Variants in XPNPEP3 observed in about 807,000 individuals in gnomAD.
The protein encoded by XPNPEP3 is xaa-Pro aminopeptidase 3.
In XPNPEP3, 41 loss-of-function variants were observed where a neutral mutation model predicts 60.0. The observed-to-expected ratio is 0.68, with a 90% CI of 0.53 to 0.89. XPNPEP3 has a LOEUF of 0.89. Ranked by LOEUF, XPNPEP3 falls within the 40% of genes least tolerant of loss-of-function variation. The pLI, the probability that XPNPEP3 is intolerant of heterozygous loss-of-function variation, is 0.00. For missense variants in XPNPEP3, 598 were observed against 638.9 expected (o/e 0.94, Z 0.69); for synonymous variants, 212 against 223.2 (o/e 0.95, Z 0.45).
chr22:40,895,081 A>G (rs1403770951), intron 4 of XPNPEP3, among the ~76,000 whole-genome samples: 1 of 152,174 alleles, frequency 6.6e-6, no homozygotes, highest in East Asian at 1.9e-4. Context: ...TACTTTTCAT[A>G]CAGAATTGCC....
chr22:40,913,702 T>C (rs909049069), intron 6 of XPNPEP3, among the ~76,000 whole-genome samples: 2 of 152,112 alleles, frequency 1.3e-5, no homozygotes, highest in African/African-American at 4.8e-5. Flanking sequence ...ACACCACGCA[T>C]TGCCAACTTT....
intron 1 of XPNPEP3, among the ~76,000 whole-genome samples, chr22:40,864,914 G>A (rs977065216): frequency 6.6e-6 from 1 of 152,180 alleles, no homozygotes; most frequent in African/African-American, 2.4e-5. Flanking sequence ...AGATGGAGTT[G>A]CTCTGGTTCA....
Position 40,924,480 on chromosome 22 carries a change from C to T in XPNPEP3, c.1355C>T (p.Pro452Leu), listed in dbSNP as rs754217535. 3 of 1,613,982 alleles carry T rather than the reference C, an allele frequency of 1.9e-6. No individual in the cohort carries two copies. The highest frequency in any genetic ancestry group is 2.5e-6 in the Non-Finnish European group (3 of 1,180,002). Residue 452 changes from proline to leucine, a missense_variant and splice_region_variant, in exon 9 of 10, where the codon CCC becomes CTC. Coordinates refer to ENST00000357137, the MANE Select transcript of XPNPEP3 (RefSeq NM_022098.4). ...CCTGGGATGGTAATCACAATTGAGC[C>T]CGGTAAGGAGAGGTGTTACAATAGT... ...LQPGMVITIE[P>L]GIYIPEDDKD...
chr22:40,914,389 A>G, intron 7 of XPNPEP3, 65 bp downstream of exon 7: 1 of 1,346,636 alleles, frequency 7.4e-7, no homozygotes, highest in African/African-American at 1.4e-5. Context: ...ATATGGCTAT[A>G]TTTGGAATGA....
chr22:40,894,606 T>C lies in XPNPEP3; in HGVS notation c.792+8091T>C, dbSNP rs181251397. On this transcript the variant is annotated intron_variant, in intron 4 of 9. Coordinates refer to ENST00000357137, the MANE Select transcript of XPNPEP3 (RefSeq NM_022098.4). ...CTGTTGGCAGCCAGGACAATTTTTA[T>C]TAATAGTTTAAGCTTCAATGGAGCC... 3.5e-3 allele frequency among the ~76,000 whole-genome samples: 533 copies of C among 152,284 alleles called. 2 individuals are homozygous for C. The highest frequency in any genetic ancestry group is 4.7e-3 in the Non-Finnish European group (320 of 68,030).
At chr22:40,876,022 A>T (rs942243152) in intron 2 of XPNPEP3, among the ~76,000 whole-genome samples, 2 of 152,152 alleles carry the variant, frequency 1.3e-5, no homozygotes, top group Non-Finnish European at 2.9e-5. Context: ...TCTGTCTCAA[A>T]AAATAAATAA....
intron 2 of XPNPEP3, among the ~76,000 whole-genome samples, chr22:40,876,411 C>T (rs9619913): frequency 0.052 from 7,880 of 152,200 alleles, 651 homozygotes; most frequent in African/African-American, 0.18. Context: ...CTAAGTGTTA[C>T]GTTTTAAGTG....
At chr22:40,907,136 T>G (rs774060892) in intron 4 of XPNPEP3, 51 of 456,266 alleles carry the variant, frequency 1.1e-4, no homozygotes, top group Non-Finnish European at 2.2e-5. Flanking sequence ...AAATCCGTAT[T>G]ATTGGCCCGG....
At chr22:40,915,092 C>T (rs577952865) in intron 7 of XPNPEP3, among the ~76,000 whole-genome samples, 2 of 141,834 alleles carry the variant, frequency 1.4e-5, no homozygotes, top group Admixed American at 7.5e-5. Context: ...CGCTCTGGCA[C>T]CCAGGCTGGA....
chr22:40,902,309 G>A (rs1396798334), intron 4 of XPNPEP3, among the ~76,000 whole-genome samples: 2 of 146,962 alleles, frequency 1.4e-5, no homozygotes, highest in Non-Finnish European at 3.0e-5. Context: ...GGAGTGCAGT[G>A]GCGCGATCTT....
chr22:40,871,206 TA>T (rs1210423707), intron 2 of XPNPEP3, among the ~76,000 whole-genome samples: 1 of 151,456 alleles, frequency 6.6e-6, no homozygotes, highest in Non-Finnish European at 1.5e-5. Flanking sequence ...CTATAAGAAA[TA>T]AAAAAAATTA....
At chr22:40,882,279 T>C in intron 3 of XPNPEP3, 102 bp downstream of exon 3, 1 of 1,267,310 alleles carries the variant, frequency 7.9e-7, no homozygotes, top group South Asian at 1.2e-5. Flanking sequence ...AGCACCACCA[T>C]GAAAAGACCA....
At chr22:40,861,432 G>A (rs1320104618) in intron 1 of XPNPEP3, 22 of 1,613,876 alleles carry the variant, frequency 1.4e-5, no homozygotes, top group Non-Finnish European at 1.9e-5. Flanking sequence ...GTCTGAAGTT[G>A]TAACAGATAT....
chr22:40,897,118 G>A (rs2058111576), intron 4 of XPNPEP3, among the ~76,000 whole-genome samples: 3 of 140,324 alleles, frequency 2.1e-5, no homozygotes, highest in South Asian at 2.3e-4. Flanking sequence ...TGCAGGCTCC[G>A]CCGGGTTCAC....
At chr22:40,901,294 G>A (rs999408643) in intron 4 of XPNPEP3, among the ~76,000 whole-genome samples, 1 of 148,434 alleles carries the variant, frequency 6.7e-6, no homozygotes, top group African/African-American at 2.5e-5. Context: ...GAGTGCAATG[G>A]CCCAATCTCT....
At chr22:40,859,364 A>G (rs1490034995) in intron 1 of XPNPEP3, among the ~76,000 whole-genome samples, 1 of 152,202 alleles carries the variant, frequency 6.6e-6, no homozygotes, top group Non-Finnish European at 1.5e-5. Flanking sequence ...GATTAAATCT[A>G]AATTTTTGGT....
chr22:40,873,845 G>A (rs1210378821), intron 2 of XPNPEP3, among the ~76,000 whole-genome samples: 1 of 151,952 alleles, frequency 6.6e-6, no homozygotes, highest in African/African-American at 2.4e-5. Context: ...TAATGGCAGA[G>A]ACAGTACAGT....
At chr22:40,908,335 C>G (rs1357461196) in intron 5 of XPNPEP3, among the ~76,000 whole-genome samples, 2 of 151,928 alleles carry the variant, frequency 1.3e-5, no homozygotes, top group African/African-American at 2.4e-5. Context: ...GCCTGGGCAA[C>G]ATACTGAGAC....
At chr22:40,858,901 A>G (rs1211864091) in intron 1 of XPNPEP3, among the ~76,000 whole-genome samples, 1 of 152,202 alleles carries the variant, frequency 6.6e-6, no homozygotes, top group African/African-American at 2.4e-5. Flanking sequence ...TCTGTGATCA[A>G]ATACTTTTGG....
Sources: allele counts gnomAD v4.1 joint callset (sites outside exome capture counted in the v4.1 genomes callset), GRCh38; gene constraint gnomAD v4.1.1; transcripts MANE v1.5; gene names NCBI Gene and HGNC (gene_info 2026-07-23, HGNC 2026-07-21).